Variants in PUM2 observed in about 807,000 individuals in gnomAD.
PUM2 encodes pumilio RNA binding family member 2, also known as pumilio homolog 2.
A neutral mutation model predicts 124.5 loss-of-function variants in PUM2; 57 were observed. The ratio of observed to expected loss-of-function variants is 0.46; its 90% CI spans 0.37 to 0.57. The LOEUF is 0.57. PUM2 is among the 20% of genes least tolerant of loss of function. The pLI is 0.00. For synonymous variants in PUM2, 460 were observed against 446.1 expected (o/e 1.03, Z -0.39); for missense variants, 1,065 against 1,290.6 (o/e 0.83, Z 2.68).
Position 20,282,351 on chromosome 2 carries a change from C to T in PUM2, c.1720+596G>A, listed in dbSNP as rs890007754. 2.6e-5 allele frequency among the ~76,000 whole-genome samples: 4 copies of T among 152,114 alleles called. No homozygotes were observed. The East Asian group carries it at 7.7e-4, about 29-fold the overall frequency. ...TAAAGCTAAGATACATGAATAGATA[C>T]CCTTTTAAGTGAATTTTTAGTGACA... On this transcript the variant is annotated intron_variant, in intron 12 of 20. Coordinates refer to ENST00000361078, the MANE Select transcript of PUM2 (RefSeq NM_015317.5).
intron 7 of PUM2, among the ~76,000 whole-genome samples, chr2:20,300,953 C>A (rs79167099): frequency 0.013 from 1,913 of 152,274 alleles, 25 homozygotes; most frequent in South Asian, 0.022. Flanking sequence ...TGATTATTCC[C>A]GTAAATTGTG....
At chr2:20,316,629 C>T (rs368044316) in intron 3 of PUM2, among the ~76,000 whole-genome samples, 10 of 152,244 alleles carry the variant, frequency 6.6e-5, no homozygotes, top group Admixed American at 2.6e-4. Context: ...AACTATGGGC[C>T]GAACAAGGTG....
intron 5 of PUM2, among the ~76,000 whole-genome samples, chr2:20,309,751 C>G (rs1350608512): frequency 1.3e-5 from 2 of 152,150 alleles, no homozygotes; most frequent in Non-Finnish European, 2.9e-5. Flanking sequence ...ACAGCTAACT[C>G]TTCCCAACTT....
rs762152599 is a variant in PUM2, at chr2:20,294,430, T to C, written c.1098A>G (p.Ala366=). ...CTGCTTGCTGACTGGCTGTGTTATT[T>C]GCCGCAGCTGCAGCTTGCTGCTGAA... ...NLFQQQAAAA[A]NNTASQQAAS... The change falls in exon 9 of 21, where the codon GCA becomes GCG. Residue 366 remains alanine, a synonymous_variant. Transcript: ENST00000361078. 3 of 1,614,214 alleles carry C rather than the reference T, an allele frequency of 1.9e-6. No homozygotes were observed. Among genetic ancestry groups the C allele is most frequent in the African/African-American group, 1.3e-5 (1 of 75,056 alleles).
intron 2 of PUM2, among the ~76,000 whole-genome samples, chr2:20,323,548 ATGACT>A (rs903545327): frequency 2.0e-5 from 3 of 152,114 alleles, no homozygotes; most frequent in African/African-American, 4.8e-5. Flanking sequence ...GTTATCAAAC[ATGACT>A]TAACTTACTG....
chr2:20,282,795 A>C, intron 12 of PUM2, 152 bp downstream of exon 12: 1 of 885,710 alleles, frequency 1.1e-6, no homozygotes, highest in Admixed American at 3.1e-5. Context: ...AAAGATTTGC[A>C]GGATTTTTTT....
At chr2:20,267,317 C>T (rs1462315640) in intron 13 of PUM2, among the ~76,000 whole-genome samples, 2 of 152,130 alleles carry the variant, frequency 1.3e-5, no homozygotes, top group Non-Finnish European at 2.9e-5. Flanking sequence ...TGAGCCACCA[C>T]GCTGGCCCAC....
chr2:20,306,400 A>G (rs1678300207), intron 7 of PUM2, among the ~76,000 whole-genome samples: 1 of 152,180 alleles, frequency 6.6e-6, no homozygotes, highest in Non-Finnish European at 1.5e-5. Flanking sequence ...AGAGTAATAG[A>G]TGTATTAGCC....
chr2:20,306,976 G>A (rs544524693), intron 7 of PUM2, among the ~76,000 whole-genome samples: 6 of 151,652 alleles, frequency 4.0e-5, no homozygotes, highest in African/African-American at 1.4e-4. Flanking sequence ...CACTTTGGGA[G>A]GCCGAGGGGG....
At chr2:20,319,205 C>A (rs1172961812) in intron 2 of PUM2, among the ~76,000 whole-genome samples, 1 of 152,222 alleles carries the variant, frequency 6.6e-6, no homozygotes, top group Non-Finnish European at 1.5e-5. Flanking sequence ...TGTGCTCTAT[C>A]CTATACTGTG....
At chr2:20,262,799 A>G (rs894900036) in intron 14 of PUM2, among the ~76,000 whole-genome samples, 3 of 152,234 alleles carry the variant, frequency 2.0e-5, no homozygotes, top group African/African-American at 7.2e-5. Context: ...GAAATGTTTC[A>G]GTCTAAGCCA....
chr2:20,311,614 C>A lies in PUM2; in HGVS notation c.398G>T (p.Gly133Val). ...GTCCTCCTCAAATGGAGAAGCCTTG[C>A]CTTTTTGATCTCCTTTCTCAGGTCC... ...TDGPEKGDQKGKASPFEEDQN... is the reference protein window; with the variant it reads ...TDGPEKGDQKVKASPFEEDQN... Residue 133 changes from glycine (G) to valine (V), a missense_variant, in exon 5 of 21, where the codon GGC becomes GTC. Coordinates refer to ENST00000361078, the MANE Select transcript of PUM2 (RefSeq NM_015317.5). 1 of 1,613,496 alleles carries A rather than the reference C, an allele frequency of 6.2e-7. No individual in the cohort carries two copies. The highest frequency in any genetic ancestry group is 8.5e-7 in the Non-Finnish European group (1 of 1,179,666).
intron 3 of PUM2, among the ~76,000 whole-genome samples, chr2:20,315,450 A>C (rs1680663663): frequency 6.6e-6 from 1 of 152,152 alleles, no homozygotes. Context: ...GCATTCAATA[A>C]ATGTTTGTTA....
chr2:20,307,879 C>T, intron 7 of PUM2, 99 bp downstream of exon 7: 1 of 1,454,638 alleles, frequency 6.9e-7, no homozygotes, highest in Middle Eastern at 1.8e-4. Flanking sequence ...TCAGATGTTT[C>T]AAAAAGTAAC....
At chr2:20,305,935 T>C (rs1231119543) in intron 7 of PUM2, among the ~76,000 whole-genome samples, 2 of 152,196 alleles carry the variant, frequency 1.3e-5, no homozygotes, top group Admixed American at 6.5e-5. Flanking sequence ...GAATACTTGA[T>C]GTCAGCAGGG....
At chr2:20,252,214 T>C (rs1237071631) in intron 20 of PUM2, among the ~76,000 whole-genome samples, 1 of 152,086 alleles carries the variant, frequency 6.6e-6, no homozygotes, top group Non-Finnish European at 1.5e-5. Flanking sequence ...AGGCCAGTAC[T>C]TTGGGACCAG....
Position 20,283,242 on chromosome 2 carries a change from A to C in PUM2, c.1436-11T>G, listed in dbSNP as rs1442563256. ...CTGCTGCTGCTGCTGCTGTAAAATA[A>C]ATTTCAGATACTTCTTTAAACCACC... On this transcript the variant is annotated splice_polypyrimidine_tract_variant and intron_variant, in intron 11 of 20. Coordinates refer to ENST00000361078, the MANE Select transcript of PUM2 (RefSeq NM_015317.5). 1 of 1,610,118 alleles carries C rather than the reference A, an allele frequency of 6.2e-7. No homozygotes were observed. The highest frequency in any genetic ancestry group is 8.5e-7 in the Non-Finnish European group (1 of 1,177,430).
intron 16 of PUM2, among the ~76,000 whole-genome samples, chr2:20,256,833 C>G (rs527621858): frequency 6.1e-4 from 92 of 152,028 alleles, no homozygotes; most frequent in African/African-American, 2.2e-3. Flanking sequence ...ATCACCTGAG[C>G]TCAGGAGTTT....
At chr2:20,279,219 T>A (rs1670941480) in intron 12 of PUM2, among the ~76,000 whole-genome samples, 1 of 152,172 alleles carries the variant, frequency 6.6e-6, no homozygotes. Flanking sequence ...CTTCTTAGAC[T>A]TTAACTCAAT....
Sources: gnomAD v4.1 joint callset for allele counts (sites outside exome capture counted in the v4.1 genomes callset) on GRCh38, gnomAD v4.1.1 for gene constraint, MANE v1.5 for transcripts, NCBI Gene and HGNC (gene_info 2026-07-23, HGNC 2026-07-21) for gene names.